Variants in RBFOX3 observed in about 807,000 individuals in gnomAD.
RBFOX3 encodes the protein RNA binding fox-1 homolog 3, also known as RNA binding protein fox-1 homolog 3.
In RBFOX3, 17 loss-of-function variants were observed where a neutral mutation model predicts 48.7. The observed-to-expected ratio is 0.35, with a 90% CI of 0.24 to 0.52. RBFOX3 has a LOEUF of 0.52. Among genes scored for constraint, RBFOX3 ranks in the 20% least tolerant of loss-of-function variants. RBFOX3 has a pLI of 0.94. For missense variants in RBFOX3, 382 were observed against 497.5 expected (o/e 0.77, Z 2.21); for synonymous variants, 212 against 209.5 (o/e 1.01, Z -0.10).
intron 2 of RBFOX3, among the ~76,000 whole-genome samples, chr17:79,456,514 A>C: frequency 1.3e-5 from 2 of 150,052 alleles, no homozygotes; most frequent in African/African-American, 2.5e-5. Context: ...AGCCCCTCTC[A>C]CCCAGGCTTT....
chr17:79,124,547 G>T (rs576680613), intron 4 of RBFOX3, among the ~76,000 whole-genome samples: 265 of 152,364 alleles, frequency 1.7e-3, no homozygotes, highest in South Asian at 4.1e-3. Context: ...GGGCTGGAAG[G>T]TGGTGAGCTC....
chr17:79,197,839 C>A (rs879319661), intron 4 of RBFOX3, among the ~76,000 whole-genome samples: 2 of 152,120 alleles, frequency 1.3e-5, no homozygotes, highest in Non-Finnish European at 2.9e-5. Context: ...AAACACCAAT[C>A]TAACCTCCCA....
At chr17:79,109,917 G>A (rs987906256) in intron 5 of RBFOX3, among the ~76,000 whole-genome samples, 1 of 152,182 alleles carries the variant, frequency 6.6e-6, no homozygotes, top group Non-Finnish European at 1.5e-5. Flanking sequence ...CCAGGACACA[G>A]GTGAGGAAGA....
chr17:79,271,075 A>G (rs2067587776), intron 3 of RBFOX3, among the ~76,000 whole-genome samples: 1 of 90,958 alleles, frequency 1.1e-5, no homozygotes, highest in African/African-American at 3.7e-5. Flanking sequence ...AAAATTCATA[A>G]GATTTTTTTT....
intron 2 of RBFOX3, among the ~76,000 whole-genome samples, chr17:79,345,846 A>G (rs538243654): frequency 1.1e-4 from 16 of 152,198 alleles, no homozygotes; most frequent in African/African-American, 3.6e-4. Flanking sequence ...AATGTACTCA[A>G]GTCTGTCAAT....
chr17:79,434,299 T>C (rs1274128764), intron 2 of RBFOX3, among the ~76,000 whole-genome samples: 1 of 152,232 alleles, frequency 6.6e-6, no homozygotes, highest in Non-Finnish European at 1.5e-5. Flanking sequence ...CACAAATAAA[T>C]TTTAGCAAGT....
the RBFOX3 span, among the ~76,000 whole-genome samples, chr17:79,631,211 ATG>A: frequency 6.6e-6 from 1 of 152,102 alleles, no homozygotes; most frequent in Non-Finnish European, 1.5e-5. Flanking sequence ...ACCACTGCAG[ATG>A]TGGGAAGGAA....
intron 3 of RBFOX3, among the ~76,000 whole-genome samples, chr17:79,305,251 G>T (rs998624168): frequency 1.3e-5 from 2 of 152,060 alleles, no homozygotes; most frequent in African/African-American, 2.4e-5. Context: ...GGGGCAGGGG[G>T]CTTGGAACCC....
chr17:79,333,510 G>T (rs2080726211), intron 2 of RBFOX3, among the ~76,000 whole-genome samples: 1 of 152,168 alleles, frequency 6.6e-6, no homozygotes. Context: ...AGAAATCATT[G>T]CTTCAGAGGC....
At position 79,327,252 on chromosome 17, in the gene RBFOX3, G is replaced by A. The variant is rs145957191; in HGVS notation, c.-174-19428C>T. Among the ~76,000 whole-genome samples the A allele has an allele frequency of 5.3e-5, 8 of 152,228 alleles. No homozygotes were observed. In the East Asian group the frequency reaches 1.5e-3, roughly 29 times the overall value. ...AAGACTGGATTTTAAGTCATGCAAA[G>A]TGATGATCACACCCTTGAGGGTCTC... On this transcript the variant is annotated intron_variant, in intron 2 of 14. Transcript: ENST00000693108.
chr17:79,145,212 C>A (rs1219816941), intron 4 of RBFOX3, among the ~76,000 whole-genome samples: 3 of 152,208 alleles, frequency 2.0e-5, no homozygotes, highest in Non-Finnish European at 2.9e-5. Flanking sequence ...ACCCCCAACA[C>A]AGGAGCCTGC....
chr17:79,273,964 C>T (rs2068235234), intron 3 of RBFOX3, among the ~76,000 whole-genome samples: 2 of 152,182 alleles, frequency 1.3e-5, no homozygotes, highest in South Asian at 2.1e-4. Context: ...CCAGGGTTGG[C>T]GATTCAGCAC....
intron 3 of RBFOX3, among the ~76,000 whole-genome samples, chr17:79,261,789 C>T (rs534556015): frequency 3.5e-4 from 53 of 152,328 alleles, no homozygotes; most frequent in Non-Finnish European, 7.5e-4. Flanking sequence ...CCCACGCTTC[C>T]CCTGTTCACA....
At chr17:79,116,728 G>T (rs1261198286) in intron 4 of RBFOX3, among the ~76,000 whole-genome samples, 1 of 152,242 alleles carries the variant, frequency 6.6e-6, no homozygotes, top group African/African-American at 2.4e-5. Flanking sequence ...AACTCTCAAA[G>T]ATCTGTCTGT....
chr17:79,341,390 A>C (rs536155008), intron 2 of RBFOX3, among the ~76,000 whole-genome samples: 2 of 152,276 alleles, frequency 1.3e-5, no homozygotes, highest in South Asian at 4.1e-4. Flanking sequence ...CATACTATAC[A>C]GCTTCATACC....
chr17:79,559,525 T>A (rs1475749890), intron 1 of RBFOX3, among the ~76,000 whole-genome samples: 2 of 140,734 alleles, frequency 1.4e-5, no homozygotes, highest in African/African-American at 5.4e-5. Context: ...TAGTGGATGG[T>A]GAATAGGTGG....
chr17:79,514,284 G>A (rs1304413094), intron 1 of RBFOX3, among the ~76,000 whole-genome samples: 2 of 152,156 alleles, frequency 1.3e-5, no homozygotes, highest in African/African-American at 4.8e-5. Flanking sequence ...TCTGCAGTGG[G>A]CTACATTCAG....
At chr17:79,150,224 G>C (rs934406148) in intron 4 of RBFOX3, among the ~76,000 whole-genome samples, 1 of 151,962 alleles carries the variant, frequency 6.6e-6, no homozygotes, top group African/African-American at 2.4e-5. Flanking sequence ...CAGCAGCCAC[G>C]TCCCAGGAGA....
chr17:79,465,430 T>G (rs1568299453), intron 2 of RBFOX3, among the ~76,000 whole-genome samples: 2 of 152,150 alleles, frequency 1.3e-5, no homozygotes, highest in Non-Finnish European at 2.9e-5. Context: ...TCGGGGCTGC[T>G]TCCCCTGGCC....
Sources: gnomAD v4.1 joint callset for allele counts (sites outside exome capture counted in the v4.1 genomes callset) on GRCh38, gnomAD v4.1.1 for gene constraint, MANE v1.5 for transcripts, NCBI Gene and HGNC (gene_info 2026-07-23, HGNC 2026-07-21) for gene names.